The following RGS6 variants were observed in gnomAD, a reference collection of about 807,000 sequenced individuals.
RGS6 encodes the protein regulator of G protein signaling 6.
RGS6 carries 30 observed loss-of-function variants against 78.5 expected under a neutral mutation model. The ratio of observed to expected loss-of-function variants is 0.38; its 90% CI spans 0.29 to 0.52. The LOEUF is 0.52. RGS6 is among the 20% of genes least tolerant of loss of function. The pLI is 0.85. For synonymous variants in RGS6, 206 were observed against 206.0 expected (o/e 1.00, Z 0.00); for missense variants, 495 against 609.7 (o/e 0.81, Z 1.98).
intron 3 of RGS6, among the ~76,000 whole-genome samples, chr14:72,413,415 T>G (rs1422683690): frequency 6.6e-6 from 1 of 152,210 alleles, no homozygotes. Context: ...GTTTTCCATT[T>G]GCTTGGTAGA....
intron 2 of RGS6, among the ~76,000 whole-genome samples, chr14:72,317,905 G>T (rs1216141113): frequency 6.6e-6 from 1 of 152,106 alleles, no homozygotes; most frequent in African/African-American, 2.4e-5. Flanking sequence ...GCAAGCTGAG[G>T]GGCAAGGAAG....
the RGS6 span, among the ~76,000 whole-genome samples, chr14:71,925,081 G>C: frequency 6.6e-6 from 1 of 152,048 alleles, no homozygotes; most frequent in Non-Finnish European, 1.5e-5. Flanking sequence ...CACTTGTTAT[G>C]TTTTGTCTTT....
chr14:72,379,382 A>G (rs1033475679), intron 3 of RGS6, among the ~76,000 whole-genome samples: 5 of 152,138 alleles, frequency 3.3e-5, no homozygotes, highest in Non-Finnish European at 7.4e-5. Context: ...GAAAGGAGGA[A>G]ATCAAATTGT....
chr14:72,381,850 C>T (rs916221522), intron 3 of RGS6, among the ~76,000 whole-genome samples: 2 of 151,958 alleles, frequency 1.3e-5, no homozygotes, highest in African/African-American at 4.8e-5. Context: ...TGACTTCTAA[C>T]TACTGGAAAA....
chr14:72,028,957 T>G (rs1443655954), intron 2 of RGS6, among the ~76,000 whole-genome samples: 2 of 152,232 alleles, frequency 1.3e-5, no homozygotes, highest in African/African-American at 4.8e-5. Context: ...CATAACACAT[T>G]AGGTGATTTC....
chr14:72,259,678 C>T (rs968031494), intron 2 of RGS6, among the ~76,000 whole-genome samples: 2 of 151,592 alleles, frequency 1.3e-5, no homozygotes, highest in Admixed American at 6.6e-5. Context: ...GAGGCTGAGG[C>T]GGGTGGATCA....
intron 2 of RGS6, among the ~76,000 whole-genome samples, chr14:72,107,681 C>T (rs1353929326): frequency 6.6e-6 from 1 of 152,004 alleles, no homozygotes; most frequent in Non-Finnish European, 1.5e-5. Flanking sequence ...AGTTAAAATA[C>T]CTCATGAGTT....
intron 17 of RGS6, among the ~76,000 whole-genome samples, chr14:72,546,957 G>A (rs1371465757): frequency 6.6e-6 from 1 of 152,206 alleles, no homozygotes; most frequent in East Asian, 1.9e-4. Flanking sequence ...ACAAGCGGCT[G>A]ATGGGGTTGT....
Position 72,565,573 on chromosome 14 carries a change from G to A in RGS6, c.*3106G>A. The A allele has an allele frequency of 6.6e-6, 1 of 152,338 alleles. No individual in the cohort carries two copies. 9.4% of individuals were successfully genotyped at this position (152,338 alleles called of 1,614,324 possible). A position where few individuals can be genotyped will look rare whatever the true frequency, so the allele number is the denominator to read the frequency against. On this transcript the variant is annotated 3_prime_UTR_variant, in exon 18 of 18. Coordinates refer to ENST00000553525, the MANE Select transcript of RGS6 (RefSeq NM_001204424.2). ...GCAGTCAGCTGGGCCTGCGCTCCAG[G>A]CTCACCACCGCTAAGTGGTCAGGTA...
chr14:72,328,648 G>A lies in RGS6; in HGVS notation c.85-23447G>A, dbSNP rs113275555. Among the ~76,000 whole-genome samples the A allele has an allele frequency of 8.1e-3, 1,230 of 152,218 alleles. 18 individuals carry two copies. Among genetic ancestry groups the A allele is most frequent in the African/African-American group, 0.028 (1,167 of 41,512 alleles). On this transcript the variant is annotated intron_variant, in intron 2 of 17. Coordinates refer to ENST00000553525, the MANE Select transcript of RGS6 (RefSeq NM_001204424.2). ...GACTAACTGGAGACAGGATACCAAG[G>A]AGGACAGACATCATTGTGAGGTCCC... is the stretch of plus-strand genomic sequence containing the variant.
In RGS6 at chr14:72,475,830, G is replaced by GCACACACACA. The variant is rs1555424335; in HGVS notation, c.694-898_694-889dup. ...ATGTATGCATTAAAAAAAAATACAC[G>GCACACACACA]CACACACACACACACACACACACTA... On this transcript the variant is annotated intron_variant, in intron 10 of 17. Coordinates refer to ENST00000553525, the MANE Select transcript of RGS6 (RefSeq NM_001204424.2). Among the ~76,000 whole-genome samples the GCACACACACA allele has an allele frequency of 2.1e-5, 3 of 145,700 alleles. No individual in the cohort carries two copies. The East Asian group carries it at 6.2e-4, about 30-fold the overall frequency.
intron 2 of RGS6, among the ~76,000 whole-genome samples, chr14:72,348,026 A>T (rs2078389625): frequency 6.6e-6 from 1 of 152,224 alleles, no homozygotes; most frequent in Admixed American, 6.5e-5. Flanking sequence ...TCTGGGATCC[A>T]CAGCAAACAA....
At chr14:72,476,126 C>T (rs1265256354) in intron 10 of RGS6, among the ~76,000 whole-genome samples, 2 of 152,132 alleles carry the variant, frequency 1.3e-5, no homozygotes, top group Non-Finnish European at 2.9e-5. Context: ...TTTAGTCTTT[C>T]CGTAATACGA....
At chr14:72,015,760 C>T (rs1596110838) in intron 2 of RGS6, among the ~76,000 whole-genome samples, 1 of 152,102 alleles carries the variant, frequency 6.6e-6, no homozygotes, top group African/African-American at 2.4e-5. Flanking sequence ...TTTGCTAATC[C>T]GATTGGCACA....
At chr14:72,167,836 G>T (rs1249744179) in intron 2 of RGS6, among the ~76,000 whole-genome samples, 15 of 152,164 alleles carry the variant, frequency 9.9e-5, no homozygotes, top group Admixed American at 9.8e-4. Context: ...ATAGCTGGGG[G>T]TGAGAGTTGG....
At chr14:72,437,751 C>G (rs954987814) in intron 3 of RGS6, among the ~76,000 whole-genome samples, 1 of 152,178 alleles carries the variant, frequency 6.6e-6, no homozygotes, top group African/African-American at 2.4e-5. Context: ...ATGCCTGGCT[C>G]TGATGACATT....
intron 14 of RGS6, among the ~76,000 whole-genome samples, chr14:72,517,142 A>C (rs922985122): frequency 6.6e-6 from 1 of 152,128 alleles, no homozygotes. Context: ...CCCTAAAAAA[A>C]AAAAAAAAAG....
chr14:71,924,126 C>T, the RGS6 span, among the ~76,000 whole-genome samples: 3 of 151,912 alleles, frequency 2.0e-5, no homozygotes, highest in Non-Finnish European at 4.4e-5. Context: ...CTCACTGGAG[C>T]CTTAGCCTCC....
intron 2 of RGS6, among the ~76,000 whole-genome samples, chr14:72,184,084 A>G (rs1031852268): frequency 6.6e-6 from 1 of 152,066 alleles, no homozygotes; most frequent in African/African-American, 2.4e-5. Context: ...TTAAAAGCAA[A>G]TTTATTGTCC....
Sources: gnomAD v4.1 joint callset for allele counts (sites outside exome capture counted in the v4.1 genomes callset) on GRCh38, gnomAD v4.1.1 for gene constraint, MANE v1.5 for transcripts, NCBI Gene and HGNC (gene_info 2026-07-23, HGNC 2026-07-21) for gene names.